OLFML2A: variants seen among roughly 807,000 people sequenced by gnomAD.
OLFML2A encodes olfactomedin like 2A.
In OLFML2A, 47 loss-of-function variants were observed where a neutral mutation model predicts 60.9. The observed-to-expected ratio is 0.77, with a 90% confidence interval of 0.61 to 0.98. The LOEUF is 0.98. Among genes scored for constraint, OLFML2A ranks in the 50% least tolerant of loss-of-function variants. OLFML2A has a pLI of 0.00. For missense variants in OLFML2A, 922 were observed against 879.8 expected (o/e 1.05, Z -0.61); for synonymous variants, 372 against 375.0 (o/e 0.99, Z 0.09).
At chr9:124,789,637 C>T (rs1841536952) in intron 2 of OLFML2A, among the ~76,000 whole-genome samples, 1 of 152,222 alleles carries the variant, frequency 6.6e-6, no homozygotes, top group Non-Finnish European at 1.5e-5. Context: ...TGGCTCAGCA[C>T]AGAGACAGTC....
At chr9:124,788,385 A>G (rs1564282810) in intron 2 of OLFML2A, among the ~76,000 whole-genome samples, 1 of 152,036 alleles carries the variant, frequency 6.6e-6, no homozygotes, top group Non-Finnish European at 1.5e-5. Context: ...AGGCGGGTGG[A>G]TCACGAGGTC....
In OLFML2A at chr9:124,806,456, A is replaced by G. The variant is rs761555355; in HGVS notation, c.1169-1325A>G. On this transcript the variant is annotated intron_variant, in intron 6 of 7. Coordinates refer to ENST00000373580, the MANE Select transcript of OLFML2A (RefSeq NM_182487.4). ...CTCTTAGCAATCAAAATTCAAGTAT[A>G]CAGTATGTTGAACTTATTCCTGTTG... Among the ~76,000 whole-genome samples the G allele has an allele frequency of 3.9e-5, 6 of 152,184 alleles. No homozygotes were observed. The East Asian group carries it at 5.8e-4, about 15-fold the overall frequency.
chr9:124,786,889 G>C, intron 1 of OLFML2A, 86 bp from the exon 2 acceptor site: 1 of 1,440,350 alleles, frequency 6.9e-7, no homozygotes, highest in Non-Finnish European at 9.5e-7. Context: ...TGGCTGGCCA[G>C]CTGGCTTCTG....
At chr9:124,801,240 G>C (rs1811459153) in intron 4 of OLFML2A, among the ~76,000 whole-genome samples, 174 bp from the exon 5 acceptor site, 1 of 152,174 alleles carries the variant, frequency 6.6e-6, no homozygotes, top group African/African-American at 2.4e-5. Flanking sequence ...AGGCAAACCA[G>C]TCATGGATGT....
At chr9:124,784,940 C>CTTTTTTTTTTTTTTTT (rs1461676348) in intron 1 of OLFML2A, among the ~76,000 whole-genome samples, 1 of 50,052 alleles carries the variant, frequency 2.0e-5, no homozygotes, top group Admixed American at 2.4e-4. Context: ...ATTCCTTTTA[C>CTTTTTTTTTTTTTTTT]TTGTTTTTTT....
intron 1 of OLFML2A, among the ~76,000 whole-genome samples, chr9:124,785,110 TG>T (rs1251864787): frequency 2.0e-5 from 3 of 151,294 alleles, no homozygotes; most frequent in Non-Finnish European, 4.4e-5. Context: ...TGTGCCACCA[TG>T]CCCACCTAAT....
At position 124,801,055 on chromosome 9, in the gene OLFML2A, A is replaced by G. The variant is rs1425366511; in HGVS notation, c.670-359A>G. ...GCCCACGTACTAAGACCAATGAGTA[A>G]GAGAGACAAGGCTGGGAAGGTGAGC... On this transcript the variant is annotated intron_variant, in intron 4 of 7. Transcript: ENST00000373580. The G allele has an allele frequency of 2.6e-6, 4 of 1,551,420 alleles. No homozygotes were observed. In the African/African-American group the frequency reaches 5.5e-5, roughly 21 times the overall value.
intron 3 of OLFML2A, 21 bp from the exon 4 acceptor site, chr9:124,799,264 C>T: frequency 6.4e-7 from 1 of 1,564,382 alleles, no homozygotes; most frequent in Non-Finnish European, 8.8e-7. Context: ...GGAAAGACCT[C>T]CAATCCTGCC....
intron 6 of OLFML2A, 107 bp downstream of exon 6, chr9:124,804,449 C>A: frequency 1.8e-6 from 2 of 1,126,822 alleles, no homozygotes; most frequent in Non-Finnish European, 2.5e-6. Flanking sequence ...TATAGCTGAG[C>A]ATGGTAGCTC....
intron 1 of OLFML2A, among the ~76,000 whole-genome samples, chr9:124,782,313 T>C (rs1841375695): frequency 6.6e-6 from 1 of 152,188 alleles, no homozygotes. Context: ...TTCTCCTCTC[T>C]AAGGTGGGGT....
intron 2 of OLFML2A, among the ~76,000 whole-genome samples, chr9:124,787,817 C>T (rs1841505163): frequency 6.6e-6 from 1 of 151,798 alleles, no homozygotes; most frequent in African/African-American, 2.4e-5. Flanking sequence ...CCTCGGCCTC[C>T]CAAAGTGCTG....
intron 2 of OLFML2A, 23 bp downstream of exon 2, chr9:124,787,261 G>A: frequency 6.2e-7 from 1 of 1,606,950 alleles, no homozygotes; most frequent in Non-Finnish European, 8.5e-7. Context: ...GGGTGATGGA[G>A]GGAGTAAGGG....
At chr9:124,783,587 C>T (rs1841401951) in intron 1 of OLFML2A, among the ~76,000 whole-genome samples, 1 of 152,182 alleles carries the variant, frequency 6.6e-6, no homozygotes, top group Admixed American at 6.5e-5. Flanking sequence ...GATGTGAAAG[C>T]CCATGTTACA....
At position 124,804,013 on chromosome 9, in the gene OLFML2A, T is replaced by TG; in HGVS notation, c.920-76dup. 2.0e-6 allele frequency: 3 copies of TG among 1,492,858 alleles called. No individual in the cohort carries two copies. In the South Asian group the frequency reaches 3.8e-5, roughly 19 times the overall value. 92.5% of individuals were successfully genotyped at this position (1,492,858 alleles called of 1,614,324 possible). A position where few individuals can be genotyped will look rare whatever the true frequency, so the allele number is the denominator to read the frequency against. On this transcript the variant is annotated intron_variant, in intron 5 of 7. Coordinates refer to ENST00000373580, the MANE Select transcript of OLFML2A (RefSeq NM_182487.4). ...CTCCACTCCCTGAGGGCCCCTGAGA[T>TG]GGGGGCCCAGTGGACCTTAGGGAGA...
rs565686022 is a variant in OLFML2A, at chr9:124,810,430, C to G, written c.*18C>G. 7.6e-6 allele frequency: 12 copies of G among 1,579,680 alleles called. No individual in the cohort carries two copies. Among genetic ancestry groups the G allele is most frequent in the South Asian group, 1.1e-5 (1 of 88,782 alleles). The stretch of plus-strand genomic sequence containing the variant: ...TGGTCTGAGTGGAGACCTGTGCTCC[C>G]CGGAGAGGGGCAGCAGTGCGGGAGG... On this transcript the variant is annotated 3_prime_UTR_variant, in exon 8 of 8. Coordinates refer to ENST00000373580, the MANE Select transcript of OLFML2A (RefSeq NM_182487.4).
chr9:124,777,630 G>A lies in OLFML2A; in HGVS notation c.90+270G>A, dbSNP rs1588875131. Among the ~76,000 whole-genome samples the A allele has an allele frequency of 6.6e-6, 1 of 152,178 alleles. No homozygotes were observed. The highest frequency in any genetic ancestry group is 2.4e-5 in the African/African-American group (1 of 41,468). The stretch of plus-strand genomic sequence containing the variant: ...GGGACCGGGTCCGATTCCCGGAGGG[G>A]TCGGGGGATTTCCCCGGAGTGCTGG... On this transcript the variant is annotated intron_variant, in intron 1 of 7. Coordinates refer to ENST00000373580, the MANE Select transcript of OLFML2A (RefSeq NM_182487.4). The surrounding 1 kb of genome is among the most constrained non-coding windows in gnomAD (Gnocchi z 6.2).
chr9:124,779,001 G>A lies in OLFML2A; in HGVS notation c.90+1641G>A. On this transcript the variant is annotated intron_variant, in intron 1 of 7. Transcript: ENST00000373580. This position sits in a 1 kb window ranked among gnomAD's most constrained non-coding sequence, Gnocchi z 4.1. ...CACTAGCCACACGGTGAGTATATGAGCAGTGGGCACTGGCCAACTCTCAGC... is the reference window on the plus strand; with the variant it reads ...CACTAGCCACACGGTGAGTATATGAACAGTGGGCACTGGCCAACTCTCAGC... 1.0e-6 allele frequency: 1 copy of A among 980,022 alleles called. No individual in the cohort carries two copies. The highest frequency in any genetic ancestry group is 1.2e-6 in the Non-Finnish European group (1 of 825,020). The allele number at this position is 980,022 out of a possible 1,614,324, so 60.7% of individuals were successfully genotyped here.
At position 124,777,305 on chromosome 9, in the gene OLFML2A, T is replaced by C; in HGVS notation, c.35T>C (p.Leu12Pro). ...GCCGCCCTCCCGCCCCGGCCGCTGCTCCTTCTGCCGCTAGTGCTGCTGCTG... is the reference window on the plus strand; with the variant it reads ...GCCGCCCTCCCGCCCCGGCCGCTGCCCCTTCTGCCGCTAGTGCTGCTGCTG... Reference protein sequence around the residue: ...AAAALPPRPLLLLPLVLLLSG... With the variant: ...AAAALPPRPLPLLPLVLLLSG... Residue 12 changes from leucine (L) to proline (P), a missense_variant, in exon 1 of 8, where the codon CTC becomes CCC. Physicochemically the swap from Leu to Pro is moderately conservative, Grantham distance 98 (BLOSUM62 -3). Transcript: ENST00000373580. This position sits in a 1 kb window ranked among gnomAD's most constrained non-coding sequence, Gnocchi z 6.2. The C allele has an allele frequency of 7.7e-7, 1 of 1,290,336 alleles. No homozygotes were observed. The highest frequency in any genetic ancestry group is 9.9e-7 in the Non-Finnish European group (1 of 1,012,486). The allele number at this position is 1,290,336 out of a possible 1,614,324, so 79.9% of individuals were successfully genotyped here.
chr9:124,810,355 G>T lies in OLFML2A; in HGVS notation c.1902G>T (p.Val634=). 1 of 1,603,360 alleles carries T rather than the reference G, an allele frequency of 6.2e-7. No homozygotes were observed. ...TQIDYNPKER[V]LYAWDNGHQL... ...TCGACTACAACCCCAAGGAGCGGGT[G>T]CTGTACGCCTGGGACAATGGCCACC... Residue 634 remains valine, a synonymous_variant, in exon 8 of 8, where the codon GTG becomes GTT. Coordinates refer to ENST00000373580, the MANE Select transcript of OLFML2A (RefSeq NM_182487.4).
Sources: allele counts gnomAD v4.1 joint callset (sites outside exome capture counted in the v4.1 genomes callset), GRCh38; gene constraint gnomAD v4.1.1; non-coding constraint Gnocchi (gnomAD v3.1); transcripts MANE v1.5; gene names NCBI Gene and HGNC (gene_info 2026-07-23, HGNC 2026-07-21).